The following MFGE8 variants were observed in gnomAD, a reference collection of about 807,000 sequenced individuals.
MFGE8 encodes the protein lactadherin.
A neutral mutation model predicts 42.6 loss-of-function variants in MFGE8; 34 were observed. That is an observed-to-expected ratio of 0.80 (90% CI 0.61 to 1.06). The LOEUF (loss-of-function observed/expected upper bound fraction) is 1.06. Ranked by LOEUF, MFGE8 falls within the 50% of genes least tolerant of loss-of-function variation. The pLI, the probability that MFGE8 is intolerant of heterozygous loss-of-function variation, is 0.00. For missense variants in MFGE8, 510 were observed against 516.9 expected (o/e 0.99, Z 0.13); for synonymous variants, 230 against 214.8 (o/e 1.07, Z -0.62).
Position 88,906,320 on chromosome 15 carries a change from C to G in MFGE8, c.540+306G>C. The stretch of plus-strand genomic sequence containing the variant: ...ATCCTTGAGCAGTGTACAACCTACA[C>G]AACTGTACATGTACCCATGAAGGCT... On this transcript the variant is annotated intron_variant, in intron 4 of 7. Coordinates refer to ENST00000268150, the MANE Select transcript of MFGE8 (RefSeq NM_005928.4). The surrounding 1 kb of genome is among the most constrained non-coding windows in gnomAD (Gnocchi z 4.2). 2.1e-6 allele frequency: 1 copy of G among 472,256 alleles called. No individual in the cohort carries two copies. The highest frequency in any genetic ancestry group is 3.9e-6 in the Non-Finnish European group (1 of 256,574). The allele number at this position is 472,256 out of a possible 1,614,324, so 29.3% of individuals were successfully genotyped here.
intron 1 of MFGE8, chr15:88,912,009 G>T: frequency 1.3e-6 from 1 of 755,546 alleles, no homozygotes; most frequent in Non-Finnish European, 2.0e-6. Flanking sequence ...GGCTTGGGTT[G>T]GGAATGGACT....
In MFGE8 at chr15:88,898,956, G is replaced by T. The variant is rs1341835007; in HGVS notation, c.*439C>A. 10 of 259,446 alleles carry T rather than the reference G, an allele frequency of 3.9e-5. No homozygotes were observed. Among genetic ancestry groups the T allele is most frequent in the Non-Finnish European group, 6.1e-5 (8 of 131,546 alleles). 16.1% of individuals were successfully genotyped at this position (259,446 alleles called of 1,614,324 possible). The stretch of plus-strand genomic sequence containing the variant: ...GGTACCCCAGGGCCGACGCAGGGCC[G>T]ACGGGCAAGAGGCTGTTATCTCCAG... On this transcript the variant is annotated 3_prime_UTR_variant, in exon 8 of 8. Transcript: ENST00000268150.
rs1898456156 is a variant in MFGE8 at position 88,901,944 on chromosome 15, G to C, written c.686-209C>G. 3 of 601,400 alleles carry C rather than the reference G, an allele frequency of 5.0e-6. No individual in the cohort carries two copies. In the East Asian group the frequency reaches 9.1e-5, roughly 18 times the overall value. The allele number at this position is 601,400 out of a possible 1,614,324, so 37.3% of individuals were successfully genotyped here. Reference sequence around the variant, plus strand: ...ACCACCTCCTCACCTCAACCAGCCGGGCTCAGCTCCTCACAGATCACCCAA... The same window carrying C: ...ACCACCTCCTCACCTCAACCAGCCGCGCTCAGCTCCTCACAGATCACCCAA... On this transcript the variant is annotated intron_variant, in intron 5 of 7. Coordinates refer to ENST00000268150, the MANE Select transcript of MFGE8 (RefSeq NM_005928.4).
At position 88,902,748 on chromosome 15, in the gene MFGE8, T is replaced by C. The variant is rs1898492106; in HGVS notation, c.686-1013A>G. 6.6e-6 allele frequency: 1 copy of C among 152,214 alleles called. No individual in the cohort carries two copies. Among genetic ancestry groups the C allele is most frequent in the Non-Finnish European group, 1.5e-5 (1 of 68,086 alleles). The allele number at this position is 152,214 out of a possible 1,614,324, so 9.4% of individuals were successfully genotyped here. ...GCAAGAGATACAACTCCCAAGAGAATGATGGGGGTGTCTCCCACCTGGAAG... is the reference window on the plus strand; with the variant it reads ...GCAAGAGATACAACTCCCAAGAGAACGATGGGGGTGTCTCCCACCTGGAAG... On this transcript the variant is annotated intron_variant, in intron 5 of 7. Transcript: ENST00000268150. The surrounding 1 kb of genome is among the most constrained non-coding windows in gnomAD (Gnocchi z 4.3).
intron 2 of MFGE8, among the ~76,000 whole-genome samples, chr15:88,909,372 A>G (rs1372932034): frequency 1.3e-5 from 2 of 152,216 alleles, no homozygotes; most frequent in Non-Finnish European, 2.9e-5. Flanking sequence ...AGGCTGATTT[A>G]CTGAGTTCCT....
At position 88,905,339 on chromosome 15, in the gene MFGE8, A is replaced by C. The variant is rs1379836677; in HGVS notation, c.685+418T>G. 1.3e-5 allele frequency: 5 copies of C among 372,744 alleles called. No homozygotes were observed. Among genetic ancestry groups the C allele is most frequent in the Middle Eastern group, 3.7e-4 (1 of 2,680 alleles). The allele number at this position is 372,744 out of a possible 1,614,324, so 23.1% of individuals were successfully genotyped here. On this transcript the variant is annotated intron_variant, in intron 5 of 7. Transcript: ENST00000268150. This position sits in a 1 kb window ranked among gnomAD's most constrained non-coding sequence, Gnocchi z 6.6. ...ATTCATTCATTCGCTCATTCATCAAATATTTATTGAGTACCTATAAACCAG... is the reference window on the plus strand; with the variant it reads ...ATTCATTCATTCGCTCATTCATCAACTATTTATTGAGTACCTATAAACCAG...
intron 2 of MFGE8, among the ~76,000 whole-genome samples, chr15:88,908,352 C>G (rs765067639): frequency 6.6e-6 from 1 of 152,322 alleles, no homozygotes; most frequent in South Asian, 2.1e-4. Flanking sequence ...GACCAGAGCT[C>G]GGCCAGTGGC....
chr15:88,909,920 A>G lies in MFGE8; in HGVS notation c.77T>C (p.Ile26Thr). Residue 26 changes from isoleucine (I) to threonine (T), a missense_variant, in exon 2 of 8, where the codon ATC (isoleucine) becomes ACC (threonine). Physicochemically the swap from Ile to Thr is moderately conservative, Grantham distance 89. Transcript: ENST00000268150. ...GTTGTGGCAGGGGTTTTTGGAACAGATATCTGGGGACAGAGACAGGTAAGA... is the reference window on the plus strand; with the variant it reads ...GTTGTGGCAGGGGTTTTTGGAACAGGTATCTGGGGACAGAGACAGGTAAGA... ...CAPSLLVALD[I>T]CSKNPCHNGG... 6.2e-7 allele frequency: 1 copy of G among 1,614,080 alleles called. No homozygotes were observed. Among genetic ancestry groups the G allele is most frequent in the Non-Finnish European group, 8.5e-7 (1 of 1,179,972 alleles).
Position 88,899,238 on chromosome 15 carries a change from T to C in MFGE8, c.*157A>G. On this transcript the variant is annotated 3_prime_UTR_variant, in exon 8 of 8. Coordinates refer to ENST00000268150, the MANE Select transcript of MFGE8 (RefSeq NM_005928.4). This position sits in a 1 kb window ranked among gnomAD's most constrained non-coding sequence, Gnocchi z 6.8. ...GGCAGGGCCCGTGAGAGGTGGAGGG[T>C]GGGAAAGAGGGAGGGAGGGGTGACT... The C allele has an allele frequency of 1.0e-6, 1 of 988,530 alleles. No homozygotes were observed. The highest frequency in any genetic ancestry group is 1.5e-6 in the Non-Finnish European group (1 of 665,208). 61.2% of individuals were successfully genotyped at this position (988,530 alleles called of 1,614,324 possible).
intron 1 of MFGE8, chr15:88,910,297 A>G (rs1300715614): frequency 2.9e-6 from 1 of 342,056 alleles, no homozygotes. Context: ...TTGATTGCAA[A>G]GGAGGCCCAT....
Position 88,906,738 on chromosome 15 carries a change from G to C in MFGE8, c.428C>G (p.Thr143Arg). The C allele has an allele frequency of 6.2e-7, 1 of 1,613,522 alleles. No individual in the cohort carries two copies. Among genetic ancestry groups the C allele is most frequent in the Non-Finnish European group, 8.5e-7 (1 of 1,179,896 alleles). The change falls in exon 4 of 8, where the codon ACG (threonine) becomes AGG (arginine). Residue 143 changes from threonine to arginine, a missense_variant. Physicochemically the swap from Thr to Arg is moderately conservative, Grantham distance 71. Transcript: ENST00000268150. This position sits in a 1 kb window ranked among gnomAD's most constrained non-coding sequence, Gnocchi z 4.2. ...LRRMWVTGVV[T>R]QGASRLASHE... ...ACTGGCCAAGCGGCTGGCACCCTGC[G>C]TCACCACACCTGTTACCCACATCCT...
In MFGE8 at chr15:88,899,249, G is replaced by T; in HGVS notation, c.*146C>A. Reference sequence around the variant, plus strand: ...TGAGAGGTGGAGGGTGGGAAAGAGGGAGGGAGGGGTGACTGTGTGGTGGTG... The same window carrying T: ...TGAGAGGTGGAGGGTGGGAAAGAGGTAGGGAGGGGTGACTGTGTGGTGGTG... On this transcript the variant is annotated 3_prime_UTR_variant, in exon 8 of 8. Transcript: ENST00000268150. The surrounding 1 kb of genome is among the most constrained non-coding windows in gnomAD (Gnocchi z 6.8). 1 of 1,091,382 alleles carries T rather than the reference G, an allele frequency of 9.2e-7. No individual in the cohort carries two copies. The highest frequency in any genetic ancestry group is 1.3e-6 in the Non-Finnish European group (1 of 752,660). The allele number at this position is 1,091,382 out of a possible 1,614,324, so 67.6% of individuals were successfully genotyped here. A position where few individuals can be genotyped will look rare whatever the true frequency, so the allele number is the denominator to read the frequency against.
At chr15:88,909,719 T>C (rs1164573373) in intron 2 of MFGE8, 73 bp downstream of exon 2, 40 of 1,607,418 alleles carry the variant, frequency 2.5e-5, no homozygotes, top group Non-Finnish European at 3.4e-5. Context: ...GGCCAGCATA[T>C]GGCCTATGCC....
intron 1 of MFGE8, chr15:88,912,123 C>T (rs1228152404): frequency 8.5e-6 from 11 of 1,289,790 alleles, no homozygotes; most frequent in Admixed American, 2.3e-5. Context: ...AGCCACGTTA[C>T]CTGTGTGTAA....
rs1898496952 is a variant in MFGE8 at position 88,902,875 on chromosome 15, A to G, written c.686-1140T>C. On this transcript the variant is annotated intron_variant, in intron 5 of 7. Transcript: ENST00000268150. The surrounding 1 kb of genome is among the most constrained non-coding windows in gnomAD (Gnocchi z 4.3). ...CTGCCCTCTGGGAGCCAGCTAAGTT[A>G]TATCACTGCCCTCCAATACTCTCAC... The G allele has an allele frequency of 6.6e-6, 1 of 152,244 alleles. No individual in the cohort carries two copies. The highest frequency in any genetic ancestry group is 2.4e-5 in the African/African-American group (1 of 41,434). The allele number at this position is 152,244 out of a possible 1,614,324, so 9.4% of individuals were successfully genotyped here.
intron 6 of MFGE8, among the ~76,000 whole-genome samples, chr15:88,900,056 C>T (rs1372366662): frequency 1.3e-5 from 2 of 152,106 alleles, no homozygotes; most frequent in African/African-American, 4.8e-5. Context: ...GCCTGACCAA[C>T]ATGGTGAAAC....
Position 88,913,290 on chromosome 15 carries a change from C to T in MFGE8, c.30G>A (p.Leu10=). 1.4e-6 allele frequency: 2 copies of T among 1,477,032 alleles called. No individual in the cohort carries two copies. The highest frequency in any genetic ancestry group is 2.6e-5 in the South Asian group (2 of 76,712). 91.5% of individuals were successfully genotyped at this position (1,477,032 alleles called of 1,614,324 possible). MPRPRLLAA[L]CGALLCAPSL... ...TGGGGGCGCAGAGCAGCGCGCCGCA[C>T]AGCGCGGCCAGCAGGCGGGGGCGCG... Residue 10 remains leucine (L), a synonymous_variant, in exon 1 of 8, where the codon CTG becomes CTA. Coordinates refer to ENST00000268150, the MANE Select transcript of MFGE8 (RefSeq NM_005928.4).
Position 88,899,703 on chromosome 15 carries a change from T to A in MFGE8, c.979A>T (p.Ser327Cys), listed in dbSNP as rs760694811. Residue 327 changes from serine to cysteine, a missense_variant, in exon 7 of 8, where the codon AGT becomes TGT. Ser to Cys is a moderately radical substitution (Grantham distance 112, BLOSUM62 -1). Transcript: ENST00000268150. The surrounding 1 kb of genome is among the most constrained non-coding windows in gnomAD (Gnocchi z 6.8). ...ASYKVAYSND[S>C]ANWTEYQDPR... ...TCCTGGTACTCAGTCCAGTTCGCAC[T>A]GTCATTACTGTAGGCAACCTTGTAG... The A allele has an allele frequency of 6.2e-7, 1 of 1,614,070 alleles. No homozygotes were observed. Among genetic ancestry groups the A allele is most frequent in the Non-Finnish European group, 8.5e-7 (1 of 1,180,042 alleles).
At chr15:88,900,833 C>G in intron 6 of MFGE8, 7 of 839,284 alleles carry the variant, frequency 8.3e-6, no homozygotes, top group Non-Finnish European at 1.0e-5. Context: ...GTATGCTGTG[C>G]TCAAGGGAGA....
Sources: gnomAD v4.1 joint callset for allele counts (sites outside exome capture counted in the v4.1 genomes callset) on GRCh38, gnomAD v4.1.1 for gene constraint, Gnocchi (gnomAD v3.1) non-coding constraint, MANE v1.5 for transcripts, NCBI Gene and HGNC (gene_info 2026-07-23, HGNC 2026-07-21) for gene names.